The following MGAT1 variants were observed in gnomAD, a reference collection of about 807,000 sequenced individuals.
MGAT1 encodes alpha-1,3-mannosyl-glycoprotein 2-beta-N-acetylglucosaminyltransferase, also known as N-glycosyl-oligosaccharide-glycoprotein N-acetylglucosaminyltransferase I.
MGAT1 carries 14 observed loss-of-function variants against 31.7 expected under a neutral mutation model. That is an observed-to-expected ratio of 0.44 (90% confidence interval 0.29 to 0.69). The LOEUF is 0.69. Ranked by LOEUF, MGAT1 falls within the 30% of genes least tolerant of loss-of-function variation. The pLI, the probability that MGAT1 is intolerant of heterozygous loss-of-function variation, is 0.12. For synonymous variants in MGAT1, 338 were observed against 276.0 expected, an observed-to-expected ratio of 1.22 and a Z score of -2.23; for missense variants, 557 against 626.0, an observed-to-expected ratio of 0.89 and a Z score of 1.18.
At chr5:180,794,653 G>GA (rs747762870) in intron 1 of MGAT1, among the ~76,000 whole-genome samples, 60 of 151,940 alleles carry the variant, frequency 3.9e-4, no homozygotes, top group Non-Finnish European at 7.5e-4. Flanking sequence ...TTTGTTCTCT[G>GA]AAACACATGT....
chr5:180,792,952 G>A lies in MGAT1; in HGVS notation c.20C>T (p.Ala7Val), dbSNP rs1238035451. Residue 7 changes from alanine to valine, a missense_variant, in exon 2 of 2, where the codon GCA becomes GTA. Ala to Val is a moderately conservative substitution (Grantham distance 64). Around this residue, in one of 3 missense-constraint regions of MGAT1, gnomAD observed 167 missense variants for 149.8 expected, o/e 1.11. Coordinates refer to ENST00000307826, the MANE Select transcript of MGAT1 (RefSeq NM_002406.4). ...GATAGCGCCCCACAGCACAAGCCCTGCAGACTGCTTCTTCAGCATCCTGGC... is the reference window on the plus strand; with the variant it reads ...GATAGCGCCCCACAGCACAAGCCCTACAGACTGCTTCTTCAGCATCCTGGC... MLKKQS[A>V]GLVLWGAILF... The A allele has an allele frequency of 6.2e-7, 1 of 1,613,470 alleles. No individual in the cohort carries two copies. Among genetic ancestry groups the A allele is most frequent in the Non-Finnish European group, 8.5e-7 (1 of 1,179,952 alleles).
At chr5:180,795,632 G>A (rs542022987) in intron 1 of MGAT1, 3 of 152,224 alleles carry the variant, frequency 2.0e-5, no homozygotes, top group African/African-American at 7.2e-5. Context: ...TGAGTAAAGA[G>A]AGTGTGTACG....
intron 1 of MGAT1, among the ~76,000 whole-genome samples, chr5:180,801,132 C>T (rs1420328179): frequency 1.3e-5 from 2 of 152,248 alleles, no homozygotes; most frequent in African/African-American, 2.4e-5. Context: ...TGAAGGACTG[C>T]CTAGGAGCTG....
At chr5:180,806,240 C>T (rs12054821), upstream of MGAT1, among the ~76,000 whole-genome samples, 19,280 of 152,010 alleles carry the variant, frequency 0.13, 1,283 homozygotes, top group East Asian at 0.25. Context: ...GAGCCGAGAT[C>T]GCACCACTGC....
chr5:180,803,341 T>C (rs1771323819), upstream of MGAT1: 1 of 152,380 alleles, frequency 6.6e-6, no homozygotes, highest in Non-Finnish European at 1.5e-5. Context: ...TTCCCTTTTG[T>C]TTTTCCTTGG....
At chr5:180,802,019 GAAAATAAAGCTGGGCAACATC>G (rs1338020670) in intron 1 of MGAT1, among the ~76,000 whole-genome samples, 8 of 152,126 alleles carry the variant, frequency 5.3e-5, no homozygotes, top group African/African-American at 1.9e-4. Flanking sequence ...GTAAATGACT[GAAAATAAAGCTGGGCAACATC>G]TCAGCCAGTG....
At chr5:180,799,035 C>G (rs1770116036) in intron 1 of MGAT1, among the ~76,000 whole-genome samples, 1 of 152,190 alleles carries the variant, frequency 6.6e-6, no homozygotes, top group Admixed American at 6.5e-5. Context: ...AGTTTCCCAG[C>G]TGGTCCACCT....
upstream of MGAT1, among the ~76,000 whole-genome samples, chr5:180,805,807 C>A (rs1009416884): frequency 6.6e-6 from 1 of 151,950 alleles, no homozygotes; most frequent in Non-Finnish European, 1.5e-5. Flanking sequence ...CTTCTCCCTG[C>A]CTCCTAATAT....
upstream of MGAT1, among the ~76,000 whole-genome samples, chr5:180,805,110 G>A (rs557109982): frequency 7.7e-4 from 118 of 152,276 alleles, 3 homozygotes; most frequent in Admixed American, 1.6e-3. Context: ...GAGGTTACAT[G>A]GGGAGCAGTG....
intron 2 of MGAT1, among the ~76,000 whole-genome samples, chr5:180,808,197 T>G (rs1352718732): frequency 1.3e-5 from 2 of 152,176 alleles, no homozygotes; most frequent in Non-Finnish European, 2.9e-5. Context: ...GGGAGACAAC[T>G]TAGGAGGTTA....
upstream of MGAT1, among the ~76,000 whole-genome samples, chr5:180,807,139 G>A (rs116765207): frequency 0.014 from 2,162 of 152,282 alleles, 21 homozygotes; most frequent in Middle Eastern, 0.02. Flanking sequence ...AATTTAACAT[G>A]GAAAGTAAGG....
chr5:180,803,053 G>A (rs1771252066), upstream of MGAT1, among the ~76,000 whole-genome samples: 1 of 152,198 alleles, frequency 6.6e-6, no homozygotes, highest in African/African-American at 2.4e-5. Flanking sequence ...CAACCCTGAG[G>A]GTGGACGCCC....
chr5:180,807,487 G>A (rs1275705551), upstream of MGAT1, among the ~76,000 whole-genome samples: 1 of 152,218 alleles, frequency 6.6e-6, no homozygotes, highest in Non-Finnish European at 1.5e-5. Context: ...AGGGCGAAGA[G>A]ATGTCTGGAA....
At chr5:180,800,780 G>A (rs1770586001) in intron 1 of MGAT1, among the ~76,000 whole-genome samples, 1 of 152,184 alleles carries the variant, frequency 6.6e-6, no homozygotes. Flanking sequence ...CATGTGGAAG[G>A]GGATACTTAC....
chr5:180,808,092 C>A (rs1772095463), intron 2 of MGAT1, among the ~76,000 whole-genome samples: 1 of 152,206 alleles, frequency 6.6e-6, no homozygotes, highest in African/African-American at 2.4e-5. Context: ...AAAGCTAGAA[C>A]ACAAGTACTC....
chr5:180,812,870 GAAAATATAAATGAT>G (rs1199353850), intron 1 of MGAT1, among the ~76,000 whole-genome samples: 2 of 151,926 alleles, frequency 1.3e-5, no homozygotes, highest in African/African-American at 2.4e-5. Context: ...ATAATTACAG[GAAAATATAAATGAT>G]AAAATAAAAA....
In MGAT1 at chr5:180,801,718, G is replaced by A. The variant is rs373760618; in HGVS notation, c.-127+962C>T. On this transcript the variant is annotated intron_variant, in intron 1 of 1. Transcript: ENST00000307826. Reference sequence around the variant, plus strand: ...ACCTTAGTTCTCTCATCTATAAGGTGACAGGGTTGATTTGGTTCATCACAA... The same window carrying A: ...ACCTTAGTTCTCTCATCTATAAGGTAACAGGGTTGATTTGGTTCATCACAA... 5.3e-5 allele frequency among the ~76,000 whole-genome samples: 8 copies of A among 152,226 alleles called. No individual in the cohort carries two copies. The South Asian group carries it at 6.2e-4, about 12-fold the overall frequency.
At chr5:180,811,388 C>T (rs1173502931) in intron 1 of MGAT1, 2 of 152,158 alleles carry the variant, frequency 1.3e-5, no homozygotes, top group Non-Finnish European at 2.9e-5. Context: ...AATTATATTG[C>T]TTGGGATATA....
intron 1 of MGAT1, among the ~76,000 whole-genome samples, chr5:180,798,120 C>T (rs966258050): frequency 3.3e-5 from 5 of 152,222 alleles, no homozygotes; most frequent in Admixed American, 6.5e-5. Context: ...CATCACCCTA[C>T]GTTTTGCCAC....
Sources: gnomAD v4.1 joint callset for allele counts (sites outside exome capture counted in the v4.1 genomes callset) on GRCh38, gnomAD v4.1.1 for gene constraint, gnomAD v4.1.1 regional missense constraint, MANE v1.5 for transcripts, NCBI Gene and HGNC (gene_info 2026-07-23, HGNC 2026-07-21) for gene names.